The following OLFM1 variants were observed in gnomAD, a reference collection of about 807,000 sequenced individuals.
The protein encoded by OLFM1 is olfactomedin 1, also known as noelin.
Under a neutral mutation model 49.7 loss-of-function variants are expected in OLFM1, and 9 were observed. That is an observed-to-expected ratio of 0.18 (90% CI 0.11 to 0.32). The LOEUF (loss-of-function observed/expected upper bound fraction) is 0.32. Ranked by LOEUF, OLFM1 falls within the 10% of genes least tolerant of loss-of-function variation. The pLI, the probability that OLFM1 is intolerant of heterozygous loss-of-function variation, is 1.00. For synonymous variants in OLFM1, 240 were observed against 271.8 expected (o/e 0.88, Z 1.15); for missense variants, 369 against 661.8 (o/e 0.56, Z 4.85).
intron 1 of OLFM1, among the ~76,000 whole-genome samples, chr9:135,079,125 G>A (rs914304635): frequency 1.3e-5 from 2 of 152,146 alleles, no homozygotes; most frequent in African/African-American, 4.8e-5. Flanking sequence ...TGGCACCTGG[G>A]GCCGGCTTGC....
At chr9:135,086,736 C>CAGA (rs1830602157), upstream of OLFM1, 1 of 455,456 alleles carries the variant, frequency 2.2e-6, no homozygotes, top group Admixed American at 2.3e-5. Flanking sequence ...AGTCCTGCTG[C>CAGA]GGTCGCCGCA....
chr9:135,112,870 C>T (rs1831042072), intron 5 of OLFM1, among the ~76,000 whole-genome samples: 1 of 152,154 alleles, frequency 6.6e-6, no homozygotes, highest in Non-Finnish European at 1.5e-5. Flanking sequence ...TGAGAAGAGG[C>T]CATGGCAGGA....
Position 135,090,438 on chromosome 9 carries a change from G to A in OLFM1, c.300+94G>A. ...CCTGTGTGCTCACACCAGCACCAAG[G>A]CTTGGCTAGCTTGCAGGCCCCATTT... On this transcript the variant is annotated intron_variant, in intron 2 of 5. Coordinates refer to ENST00000371793, the MANE Select transcript of OLFM1 (RefSeq NM_001282611.2). The A allele has an allele frequency of 3.8e-6, 5 of 1,306,192 alleles. No homozygotes were observed. In the South Asian group the frequency reaches 6.2e-5, roughly 16 times the overall value. 80.9% of individuals were successfully genotyped at this position (1,306,192 alleles called of 1,614,324 possible).
At position 135,119,700 on chromosome 9, in the gene OLFM1, C is replaced by A; in HGVS notation, c.980C>A (p.Thr327Lys). The A allele has an allele frequency of 6.2e-7, 1 of 1,614,152 alleles. No homozygotes were observed. ...SHIIIRFDLK[T>K]ETILKTRSLD... Reference sequence around the variant, plus strand: ...ATCATCATCAGGTTTGACCTGAAGACAGAGACCATCCTCAAGACCCGCAGC... The same window carrying A: ...ATCATCATCAGGTTTGACCTGAAGAAAGAGACCATCCTCAAGACCCGCAGC... The change falls in exon 6 of 6, where the codon ACA becomes AAA. Residue 327 changes from threonine to lysine, a missense_variant. By Grantham distance (78) the Thr-to-Lys change is moderately conservative. This residue lies in a region of OLFM1 where 294 missense variants were observed against 567.5 expected (regional missense o/e 0.52). Coordinates refer to ENST00000371793, the MANE Select transcript of OLFM1 (RefSeq NM_001282611.2).
upstream of OLFM1, chr9:135,087,464 G>A: frequency 1.3e-6 from 2 of 1,532,806 alleles, no homozygotes; most frequent in Non-Finnish European, 1.8e-6. Context: ...TCTGGGGGTG[G>A]TGGTGTGTCC....
At chr9:135,114,394 C>T (rs1339255402) in intron 5 of OLFM1, among the ~76,000 whole-genome samples, 9 of 152,188 alleles carry the variant, frequency 5.9e-5, no homozygotes, top group Middle Eastern at 6.8e-3. Flanking sequence ...GGATTACAAG[C>T]GTAAGCCCCC....
chr9:135,104,078 G>A (rs1400617079), intron 4 of OLFM1, among the ~76,000 whole-genome samples: 6 of 152,214 alleles, frequency 3.9e-5, no homozygotes, highest in Admixed American at 2.6e-4. Context: ...CTTCTTCCCT[G>A]GGGCAGTAAG....
At chr9:135,101,561 A>G (rs1045381742) in intron 4 of OLFM1, among the ~76,000 whole-genome samples, 6 of 152,228 alleles carry the variant, frequency 3.9e-5, no homozygotes, top group Non-Finnish European at 8.8e-5. Flanking sequence ...CCAGCCAGAA[A>G]CTTGAATCTG....
chr9:135,115,438 G>A (rs1477786766), intron 5 of OLFM1, among the ~76,000 whole-genome samples: 1 of 152,270 alleles, frequency 6.6e-6, no homozygotes, highest in African/African-American at 2.4e-5. Flanking sequence ...CCTGGGGGCA[G>A]AAAGGATAAG....
Position 135,117,097 on chromosome 9 carries a change from C to G in OLFM1, c.784-2407C>G, listed in dbSNP as rs1363723124. Among the ~76,000 whole-genome samples, 2 of 152,198 alleles carry G rather than the reference C, an allele frequency of 1.3e-5. No homozygotes were observed. Among genetic ancestry groups the G allele is most frequent in the African/African-American group, 4.8e-5 (2 of 41,452 alleles). On this transcript the variant is annotated intron_variant, in intron 5 of 5. Transcript: ENST00000371793. This position sits in a 1 kb window ranked among gnomAD's most constrained non-coding sequence, Gnocchi z 5.5. Reference sequence around the variant, plus strand: ...ACAGATGCATGCAGAGCGGCACCAGCCTGCCAGACTCCCTCTGCCTAACTG... The same window carrying G: ...ACAGATGCATGCAGAGCGGCACCAGGCTGCCAGACTCCCTCTGCCTAACTG...
chr9:135,092,147 T>A (rs1438130859), intron 2 of OLFM1, among the ~76,000 whole-genome samples: 1 of 152,202 alleles, frequency 6.6e-6, no homozygotes, highest in Admixed American at 6.5e-5. Context: ...TTGACCCGAC[T>A]CGGGTCCACA....
rs577540643 is a variant in OLFM1, at chr9:135,094,344, C to T, written c.301-1520C>T. Reference sequence around the variant, plus strand: ...TGCCAACAAAGTGACGTTGTTGTTTCCAAATAGTTTGCAGCTAGTTTTAAC... The same window carrying T: ...TGCCAACAAAGTGACGTTGTTGTTTTCAAATAGTTTGCAGCTAGTTTTAAC... On this transcript the variant is annotated intron_variant, in intron 2 of 5. Transcript: ENST00000371793. Among the ~76,000 whole-genome samples the T allele has an allele frequency of 2.0e-5, 3 of 152,324 alleles. No individual in the cohort carries two copies. The South Asian group carries it at 6.2e-4, about 32-fold the overall frequency.
At chr9:135,106,911 C>G (rs1487839892) in intron 5 of OLFM1, 56 bp downstream of exon 5, 5 of 1,379,266 alleles carry the variant, frequency 3.6e-6, no homozygotes, top group Admixed American at 4.0e-5. Flanking sequence ...TCTCGGACAC[C>G]TGGTGGGCCC....
chr9:135,077,304 T>G (rs1830480986), intron 1 of OLFM1: 3 of 1,424,926 alleles, frequency 2.1e-6, no homozygotes, highest in Non-Finnish European at 2.8e-6. Flanking sequence ...TGGGTGGTCC[T>G]GGACATGGCC....
chr9:135,082,350 G>C (rs1279011585), intron 1 of OLFM1, among the ~76,000 whole-genome samples: 1 of 152,116 alleles, frequency 6.6e-6, no homozygotes, highest in African/African-American at 2.4e-5. Context: ...TTGTCTTCGG[G>C]GAGTTTAAAC....
Position 135,120,100 on chromosome 9 carries a change from C to T in OLFM1, c.1380C>T (p.Ala460=). The T allele has an allele frequency of 6.2e-7, 1 of 1,614,096 alleles. No homozygotes were observed. Among genetic ancestry groups the T allele is most frequent in the Non-Finnish European group, 8.5e-7 (1 of 1,180,024 alleles). ...SMLDYNPKDR[A]LYAWNNGHQI... ...TGGACTACAACCCCAAGGACCGGGC[C>T]CTGTATGCCTGGAACAACGGCCACC... Residue 460 remains alanine (A), a synonymous_variant, in exon 6 of 6, where the codon GCC becomes GCT. Transcript: ENST00000371793.
intron 2 of OLFM1, among the ~76,000 whole-genome samples, chr9:135,091,897 TCACACA>T (rs56288353): frequency 3.4e-5 from 5 of 147,114 alleles, no homozygotes. Context: ...TCACACATAG[TCACACA>T]CACACACACA....
At chr9:135,078,051 C>A (rs769096348) in intron 1 of OLFM1, among the ~76,000 whole-genome samples, 1 of 152,142 alleles carries the variant, frequency 6.6e-6, no homozygotes, top group Non-Finnish European at 1.5e-5. Flanking sequence ...GGGGGCAGGA[C>A]CAGCCTGCTC....
rs542546470 is a variant in OLFM1, at chr9:135,080,713, G to T, written c.96+4911G>T. Among the ~76,000 whole-genome samples, 28 of 152,264 alleles carry T rather than the reference G, an allele frequency of 1.8e-4. No individual in the cohort carries two copies. In the Middle Eastern group the frequency reaches 0.01, roughly 55 times the overall value. On this transcript the variant is annotated intron_variant, in intron 1 of 5. Transcript: ENST00000252854. The surrounding 1 kb of genome is among the most constrained non-coding windows in gnomAD (Gnocchi z 4.5). ...CCCTGTAATCAGTATTAACATCACC[G>T]TGTAAAGTAATACAAAACTAATTAC...
Sources: allele counts gnomAD v4.1 joint callset (sites outside exome capture counted in the v4.1 genomes callset), GRCh38; gene constraint gnomAD v4.1.1; regional missense constraint gnomAD v4.1.1; non-coding constraint Gnocchi (gnomAD v3.1); transcripts MANE v1.5; gene names NCBI Gene and HGNC (gene_info 2026-07-23, HGNC 2026-07-21).